Variants in IKZF1 observed in about 807,000 individuals in gnomAD.
IKZF1 encodes IKAROS family zinc finger 1, also known as DNA-binding protein Ikaros.
IKZF1 carries 10 observed loss-of-function variants against 51.7 expected under a neutral mutation model. That is an observed-to-expected ratio of 0.19 (90% CI 0.12 to 0.33). IKZF1 has a LOEUF of 0.33. Among genes scored for constraint, IKZF1 ranks in the 10% least tolerant of loss-of-function variants. IKZF1 has a pLI of 1.00. For missense variants in IKZF1, 484 were observed against 707.5 expected, an observed-to-expected ratio of 0.68 and a Z score of 3.58; for synonymous variants, 280 against 282.3, an observed-to-expected ratio of 0.99 and a Z score of 0.08.
At chr7:50,322,217 G>T (rs1793560190) in intron 2 of IKZF1, among the ~76,000 whole-genome samples, 1 of 152,088 alleles carries the variant, frequency 6.6e-6, no homozygotes, top group African/African-American at 2.4e-5. Flanking sequence ...AACCAAATAG[G>T]AGTTGACATT....
rs746614230 is a variant in IKZF1, at chr7:50,319,030, C to A, written c.-14-18C>A. The stretch of plus-strand genomic sequence containing the variant: ...AGTATTTTTGCTTTAAACTAAAATC[C>A]CTTCCTCTCTTTCTCAGATAACCTG... On this transcript the variant is annotated intron_variant, in intron 1 of 7. Coordinates refer to ENST00000331340, the MANE Select transcript of IKZF1 (RefSeq NM_006060.6). 9 of 1,578,288 alleles carry A rather than the reference C, an allele frequency of 5.7e-6. No individual in the cohort carries two copies. Among genetic ancestry groups the A allele is most frequent in the Admixed American group, 3.4e-5 (2 of 59,376 alleles).
intron 3 of IKZF1, among the ~76,000 whole-genome samples, chr7:50,343,680 G>A (rs1562783821): frequency 6.6e-6 from 1 of 152,230 alleles, no homozygotes; most frequent in Admixed American, 6.5e-5. Flanking sequence ...TTAACTGAGT[G>A]TACCTAGAGT....
At chr7:50,308,990 C>T (rs886171309) in intron 1 of IKZF1, 2 of 152,570 alleles carry the variant, frequency 1.3e-5, no homozygotes, top group African/African-American at 4.8e-5. Context: ...GGTGTTTCCA[C>T]AGTGGGTGGC....
At chr7:50,390,341 G>A (rs538989754) in intron 6 of IKZF1, among the ~76,000 whole-genome samples, 228 of 152,312 alleles carry the variant, frequency 1.5e-3, no homozygotes, top group Non-Finnish European at 2.6e-3. Context: ...GATGAAGTGT[G>A]TGACCAGTGT....
intron 3 of IKZF1, among the ~76,000 whole-genome samples, chr7:50,356,570 C>T (rs988267633): frequency 5.3e-5 from 8 of 152,134 alleles, no homozygotes; most frequent in Non-Finnish European, 8.8e-5. Context: ...TGTGTCTGTG[C>T]GTGTGCATGG....
At chr7:50,352,220 A>G (rs1032963787) in intron 3 of IKZF1, among the ~76,000 whole-genome samples, 1 of 152,242 alleles carries the variant, frequency 6.6e-6, no homozygotes, top group African/African-American at 2.4e-5. Context: ...GTCATTGTGC[A>G]TAGAGAGCTA....
chr7:50,337,834 C>G (rs1464180964), intron 3 of IKZF1, among the ~76,000 whole-genome samples: 1 of 152,132 alleles, frequency 6.6e-6, no homozygotes. Flanking sequence ...GACTGTCCCT[C>G]CCATTGCAGG....
chr7:50,391,347 C>T (rs1814998593), intron 6 of IKZF1, among the ~76,000 whole-genome samples: 1 of 152,218 alleles, frequency 6.6e-6, no homozygotes, highest in African/African-American at 2.4e-5. Context: ...TTCTTTGCGT[C>T]TCAGAGGGCT....
At chr7:50,325,185 T>G (rs1434649083) in intron 2 of IKZF1, among the ~76,000 whole-genome samples, 2 of 151,860 alleles carry the variant, frequency 1.3e-5, no homozygotes, top group African/African-American at 2.4e-5. Flanking sequence ...GCTCCCTGCT[T>G]TATGTAGGAG....
intron 3 of IKZF1, among the ~76,000 whole-genome samples, chr7:50,342,647 CTTT>C (rs1270027408): frequency 1.5e-5 from 2 of 137,682 alleles, no homozygotes; most frequent in South Asian, 2.3e-4. Flanking sequence ...GAAGGAAAGG[CTTT>C]TTTTTTTTTT....
At chr7:50,367,806 G>A in intron 3 of IKZF1, 2 of 564,330 alleles carry the variant, frequency 3.5e-6, no homozygotes, top group Non-Finnish European at 6.3e-6. Context: ...GTTGACACCT[G>A]AGGGGATTGT....
chr7:50,340,729 C>T (rs1798880092), intron 3 of IKZF1, among the ~76,000 whole-genome samples: 1 of 152,242 alleles, frequency 6.6e-6, no homozygotes, highest in South Asian at 2.1e-4. Context: ...CATTTCTACT[C>T]TGTCCATAAT....
chr7:50,386,712 A>C (rs1053298219), intron 5 of IKZF1, among the ~76,000 whole-genome samples: 1 of 152,158 alleles, frequency 6.6e-6, no homozygotes, highest in Non-Finnish European at 1.5e-5. Flanking sequence ...ACATATACAT[A>C]TGCATGGAAA....
chr7:50,367,877 A>G (rs781436024), intron 3 of IKZF1: 1 of 602,910 alleles, frequency 1.7e-6, no homozygotes, highest in South Asian at 2.0e-5. Context: ...ATAGCAGATG[A>G]GTAGCTGAAC....
chr7:50,372,313 C>T (rs147492068), intron 3 of IKZF1, among the ~76,000 whole-genome samples: 24 of 152,312 alleles, frequency 1.6e-4, no homozygotes, highest in African/African-American at 4.3e-4. Context: ...GAATCTTACG[C>T]GCCCCGTGGT....
At chr7:50,361,620 G>A (rs909911349) in intron 3 of IKZF1, among the ~76,000 whole-genome samples, 5 of 152,198 alleles carry the variant, frequency 3.3e-5, no homozygotes, top group Non-Finnish European at 5.9e-5. Flanking sequence ...GCTCACGCCT[G>A]TAATCCCAGC....
chr7:50,362,689 C>T (rs769742935), intron 3 of IKZF1, among the ~76,000 whole-genome samples: 46 of 152,190 alleles, frequency 3.0e-4, no homozygotes, highest in Non-Finnish European at 3.7e-4. Flanking sequence ...TCATTGCTCA[C>T]CAGTTGTAGG....
intron 7 of IKZF1, chr7:50,394,132 G>A (rs1251427102): frequency 1.3e-5 from 3 of 232,526 alleles, no homozygotes; most frequent in East Asian, 6.1e-5. Context: ...GATGAAAAAG[G>A]AGTTCCCAGG....
At position 50,304,920 on chromosome 7, in the gene IKZF1, C is replaced by G. The variant is rs1196406147; in HGVS notation, c.-17C>G. 1.3e-5 allele frequency: 2 copies of G among 152,664 alleles called. No homozygotes were observed. The allele number at this position is 152,664 out of a possible 1,614,324, so 9.5% of individuals were successfully genotyped here. A position where few individuals can be genotyped will look rare whatever the true frequency, so the allele number is the denominator to read the frequency against. On this transcript the variant is annotated splice_region_variant and 5_prime_UTR_variant, in exon 1 of 8. Transcript: ENST00000331340. Reference sequence around the variant, plus strand: ...GGCCCCAAAGCGCGACGCACAAATCCACGTGAGTGTTTTCAAATTGAATTT... The same window carrying G: ...GGCCCCAAAGCGCGACGCACAAATCGACGTGAGTGTTTTCAAATTGAATTT...
Sources: allele counts gnomAD v4.1 joint callset (sites outside exome capture counted in the v4.1 genomes callset), GRCh38; gene constraint gnomAD v4.1.1; transcripts MANE v1.5; gene names NCBI Gene and HGNC (gene_info 2026-07-23, HGNC 2026-07-21).